UGGT2: variants seen among roughly 807,000 people sequenced by gnomAD.
The protein encoded by UGGT2 is UDP-glucose:glycoprotein glucosyltransferase 2.
Under a neutral mutation model 192.1 loss-of-function variants are expected in UGGT2, and 180 were observed. The observed-to-expected ratio is 0.94, with a 90% confidence interval of 0.83 to 1.06. The LOEUF is 1.06. Ranked by LOEUF, UGGT2 falls within the 50% of genes least tolerant of loss-of-function variation. The pLI is 0.00. For synonymous variants in UGGT2, 580 were observed against 591.0 expected (o/e 0.98, Z 0.27); for missense variants, 1,849 against 1,795.7 (o/e 1.03, Z -0.54).
intron 36 of UGGT2, among the ~76,000 whole-genome samples, chr13:95,842,838 T>C (rs564813457): frequency 2.0e-5 from 3 of 152,324 alleles, no homozygotes; most frequent in South Asian, 2.1e-4. Context: ...GTGAGTGACT[T>C]TGCCTAGCAG....
chr13:95,930,930 G>A (rs61972931), intron 17 of UGGT2, among the ~76,000 whole-genome samples: 3,818 of 152,246 alleles, frequency 0.025, 58 homozygotes, highest in Non-Finnish European at 0.034. Context: ...CCCAAAGACT[G>A]AGCAGCAGAA....
chr13:95,957,222 T>C (rs1027340576), intron 12 of UGGT2, among the ~76,000 whole-genome samples: 3 of 152,218 alleles, frequency 2.0e-5, no homozygotes, highest in East Asian at 1.9e-4. Context: ...TTCGGGATAA[T>C]GAAAAAGTTC....
chr13:96,025,696 A>C (rs1769570470), intron 2 of UGGT2, among the ~76,000 whole-genome samples: 1 of 152,174 alleles, frequency 6.6e-6, no homozygotes, highest in Non-Finnish European at 1.5e-5. Context: ...TTTAGCTTGC[A>C]AGCAGGGTAA....
intron 38 of UGGT2, among the ~76,000 whole-genome samples, chr13:95,819,483 C>T (rs182474059): frequency 6.3e-5 from 9 of 143,470 alleles, no homozygotes; most frequent in East Asian, 2.1e-4. Flanking sequence ...CTTATATATA[C>T]ACACACACAC....
chr13:95,845,401 G>A (rs1054213667), intron 36 of UGGT2, among the ~76,000 whole-genome samples: 3 of 107,574 alleles, frequency 2.8e-5, no homozygotes, highest in African/African-American at 9.2e-5. Flanking sequence ...TCAAGCATCT[G>A]TTTAACAAAG....
chr13:96,013,678 T>C (rs2052237909), intron 4 of UGGT2, among the ~76,000 whole-genome samples, 197 bp from the exon 5 acceptor site: 1 of 152,086 alleles, frequency 6.6e-6, no homozygotes, highest in African/African-American at 2.4e-5. Context: ...TTAACCCAAA[T>C]CTAATATTAA....
chr13:95,983,994 C>T (rs2051211580), intron 9 of UGGT2, 130 bp from the exon 10 acceptor site: 1 of 524,410 alleles, frequency 1.9e-6, no homozygotes, highest in South Asian at 5.3e-5. Flanking sequence ...GAAAAGTATA[C>T]ATTTCCATAT....
At chr13:95,859,748 G>T in intron 32 of UGGT2, 73 bp from the exon 33 acceptor site, 2 of 1,135,432 alleles carry the variant, frequency 1.8e-6, no homozygotes, top group Non-Finnish European at 2.4e-6. Context: ...TAACCTTGAA[G>T]TGTTTTTTAA....
chr13:95,808,424 C>G (rs1266037823), intron 38 of UGGT2, among the ~76,000 whole-genome samples: 1 of 151,940 alleles, frequency 6.6e-6, no homozygotes, highest in Admixed American at 6.6e-5. Context: ...TTTTTTTCTA[C>G]AAACAGGGAA....
intron 12 of UGGT2, among the ~76,000 whole-genome samples, chr13:95,961,513 T>C (rs542913776): frequency 1.3e-5 from 2 of 152,302 alleles, no homozygotes; most frequent in African/African-American, 4.8e-5. Flanking sequence ...ATAGTCATTA[T>C]ATAATAATAA....
At chr13:95,896,595 A>T (rs1436418894) in intron 22 of UGGT2, among the ~76,000 whole-genome samples, 7 of 152,040 alleles carry the variant, frequency 4.6e-5, no homozygotes, top group Admixed American at 4.6e-4. Flanking sequence ...TAAAATCTTA[A>T]AAGTATTGTT....
Position 95,948,049 on chromosome 13 carries a change from G to A in UGGT2, c.1488C>T (p.Thr496=), listed in dbSNP as rs1474112084. Residue 496 remains threonine, a synonymous_variant, in exon 14 of 39, where the codon ACC becomes ACT. Coordinates refer to ENST00000376747, the MANE Select transcript of UGGT2 (RefSeq NM_020121.4). The part of the protein sequence containing the change: ...VLFIDPAQEY[T]LDFIKLADVF... ...CATCAGCAAGTTTTATAAAATCCAA[G>A]GTATATTCTTGGGCCGGATCAATAA... 1 of 1,612,994 alleles carries A rather than the reference G, an allele frequency of 6.2e-7. No individual in the cohort carries two copies. The highest frequency in any genetic ancestry group is 1.1e-5 in the South Asian group (1 of 91,012).
Position 95,854,375 on chromosome 13 carries a change from T to G in UGGT2, c.4109A>C (p.Tyr1370Ser). The change falls in exon 35 of 39, where the codon TAT (tyrosine) becomes TCT (serine). Residue 1370 changes from tyrosine (Y) to serine (S), a missense_variant. By Grantham distance (144) the Tyr-to-Ser change is moderately radical (BLOSUM62 -2). Coordinates refer to ENST00000376747, the MANE Select transcript of UGGT2 (RefSeq NM_020121.4). ...CCAGTATCCTGTTTTCCAGAAACGA[T>G]ATCCATCCATTTCCCTGCGGCTATC... ...FCDSRREMDG[Y>S]RFWKTGYWAS... 6.2e-7 allele frequency: 1 copy of G among 1,613,908 alleles called. No homozygotes were observed. Among genetic ancestry groups the G allele is most frequent in the Non-Finnish European group, 8.5e-7 (1 of 1,179,886 alleles).
At chr13:96,001,537 C>T (rs1021634265) in intron 5 of UGGT2, among the ~76,000 whole-genome samples, 3 of 152,146 alleles carry the variant, frequency 2.0e-5, no homozygotes, top group South Asian at 2.1e-4. Context: ...TCTCTTCACA[C>T]GGACGCGCAT....
At chr13:95,853,466 CTT>C in intron 36 of UGGT2, 75 bp downstream of exon 36, 1 of 1,174,618 alleles carries the variant, frequency 8.5e-7, no homozygotes. Flanking sequence ...AAATATAAGA[CTT>C]TAAAGTTTAT....
At chr13:95,836,847 T>G (rs1305407628) in intron 37 of UGGT2, among the ~76,000 whole-genome samples, 1 of 152,002 alleles carries the variant, frequency 6.6e-6, no homozygotes, top group Non-Finnish European at 1.5e-5. Flanking sequence ...AATCAAGCCA[T>G]GAATATGATT....
chr13:95,986,243 C>T, intron 9 of UGGT2, 90 bp downstream of exon 9: 2 of 888,588 alleles, frequency 2.3e-6, no homozygotes, highest in Non-Finnish European at 3.6e-6. Flanking sequence ...CTAATTGACA[C>T]CTTCATGTTA....
intron 1 of UGGT2, among the ~76,000 whole-genome samples, chr13:96,051,968 C>T (rs1308610700): frequency 6.6e-6 from 1 of 151,996 alleles, no homozygotes; most frequent in Non-Finnish European, 1.5e-5. Flanking sequence ...TCCAGCAATC[C>T]CACTACTAGG....
intron 36 of UGGT2, among the ~76,000 whole-genome samples, chr13:95,847,416 C>T (rs1382213812): frequency 6.6e-6 from 1 of 152,060 alleles, no homozygotes; most frequent in Non-Finnish European, 1.5e-5. Flanking sequence ...ACATATTTTC[C>T]CTGCCTAAAA....
Sources: allele counts gnomAD v4.1 joint callset (sites outside exome capture counted in the v4.1 genomes callset), GRCh38; gene constraint gnomAD v4.1.1; transcripts MANE v1.5; gene names NCBI Gene and HGNC (gene_info 2026-07-23, HGNC 2026-07-21).